MAP3K19: variants seen among roughly 807,000 people sequenced by gnomAD.
MAP3K19 encodes mitogen-activated protein kinase kinase kinase 19.
MAP3K19 carries 91 observed loss-of-function variants against 114.4 expected under a neutral mutation model. The observed-to-expected ratio is 0.80, with a 90% CI of 0.67 to 0.95. The LOEUF (loss-of-function observed/expected upper bound fraction) is 0.95, where lower values mean the gene tolerates loss of function less well. Among genes scored for constraint, MAP3K19 ranks in the 40% least tolerant of loss-of-function variants. The pLI, the probability that MAP3K19 is intolerant of heterozygous loss-of-function variation, is 0.00. For synonymous variants in MAP3K19, 518 were observed against 530.5 expected, an observed-to-expected ratio of 0.98 and a Z score of 0.32; for missense variants, 1,471 against 1,573.2, an observed-to-expected ratio of 0.94 and a Z score of 1.10.
chr2:135,024,523 T>G, intron 4 of MAP3K19, 103 bp downstream of exon 4: 4 of 1,081,542 alleles, frequency 3.7e-6, no homozygotes, highest in Non-Finnish European at 5.7e-6. Context: ...AGCCGTGGAC[T>G]TGATTTCTTT....
At chr2:135,032,546 T>C (rs1688408837) in intron 2 of MAP3K19, among the ~76,000 whole-genome samples, 1 of 151,512 alleles carries the variant, frequency 6.6e-6, no homozygotes, top group South Asian at 2.1e-4. Context: ...AAAAGAACCA[T>C]TTTCTGTCAA....
chr2:135,013,372 CT>C (rs2105342256), intron 5 of MAP3K19, among the ~76,000 whole-genome samples: 1 of 152,144 alleles, frequency 6.6e-6, no homozygotes, highest in Non-Finnish European at 1.5e-5. Context: ...CATATACCCC[CT>C]GCTCCCATAC....
chr2:135,007,406 G>A (rs547389185), intron 5 of MAP3K19, among the ~76,000 whole-genome samples: 1 of 152,040 alleles, frequency 6.6e-6, no homozygotes, highest in Non-Finnish European at 1.5e-5. Flanking sequence ...ATCACATCAA[G>A]CATTTATCCT....
intron 12 of MAP3K19, among the ~76,000 whole-genome samples, chr2:134,969,789 G>T (rs1278390772): frequency 6.6e-6 from 1 of 152,136 alleles, no homozygotes; most frequent in Admixed American, 6.5e-5. Flanking sequence ...TCAATTTTGA[G>T]TTGATTTTTG....
chr2:135,017,497 T>C (rs944914081), intron 5 of MAP3K19, among the ~76,000 whole-genome samples: 3 of 152,144 alleles, frequency 2.0e-5, no homozygotes, highest in Non-Finnish European at 4.4e-5. Context: ...CCAGCTCAAA[T>C]AATCCTCCAC....
intron 2 of MAP3K19, among the ~76,000 whole-genome samples, chr2:135,039,885 C>T (rs1024066413): frequency 1.5e-4 from 23 of 152,186 alleles, no homozygotes; most frequent in African/African-American, 4.3e-4. Flanking sequence ...TAACCCCTGG[C>T]TGGGTCAGGC....
intron 8 of MAP3K19, 101 bp from the exon 9 acceptor site, chr2:134,991,681 G>C: frequency 1.1e-6 from 1 of 939,790 alleles, no homozygotes; most frequent in South Asian, 1.4e-5. Context: ...TAAGGGGTCT[G>C]AGGAAAAGTT....
chr2:135,014,920 T>C (rs1687480620), intron 5 of MAP3K19, among the ~76,000 whole-genome samples: 1 of 152,248 alleles, frequency 6.6e-6, no homozygotes, highest in East Asian at 1.9e-4. Flanking sequence ...TATGTGAATA[T>C]ACCACAATTT....
chr2:134,979,866 A>G (rs1684507185), intron 12 of MAP3K19, among the ~76,000 whole-genome samples: 1 of 152,170 alleles, frequency 6.6e-6, no homozygotes, highest in Non-Finnish European at 1.5e-5. Context: ...AGAGAGGCAC[A>G]TTCATTGGCA....
chr2:135,026,094 T>C (rs1688248749), intron 3 of MAP3K19, among the ~76,000 whole-genome samples: 1 of 152,196 alleles, frequency 6.6e-6, no homozygotes, highest in African/African-American at 2.4e-5. Flanking sequence ...TCAAAAGAAA[T>C]AGCATAGGAC....
At chr2:135,007,984 T>C (rs1408370079) in intron 5 of MAP3K19, among the ~76,000 whole-genome samples, 9 of 152,350 alleles carry the variant, frequency 5.9e-5, no homozygotes, top group Middle Eastern at 6.8e-3. Context: ...TTTAAAAATA[T>C]AGTTGCATCA....
chr2:135,038,862 A>C (rs967269290), intron 2 of MAP3K19, among the ~76,000 whole-genome samples: 5 of 152,150 alleles, frequency 3.3e-5, no homozygotes, highest in African/African-American at 1.2e-4. Context: ...CATCTCAAAA[A>C]AAAAAAAGGT....
rs1483968964 is a variant in MAP3K19 at position 134,983,803 on chromosome 2, A to G, written c.3095T>C (p.Ile1032Thr). The G allele has an allele frequency of 6.3e-7, 1 of 1,595,276 alleles. No individual in the cohort carries two copies. The highest frequency in any genetic ancestry group is 8.5e-7 in the Non-Finnish European group (1 of 1,173,426). The change falls in exon 11 of 13, where the codon ATA becomes ACA. Residue 1032 changes from isoleucine (I) to threonine (T), a missense_variant. Coordinates refer to ENST00000392915, the MANE Select transcript of MAP3K19 (RefSeq NM_025052.5). ...KIQRHSSGLR[I>T]YDREEKFLIS... is the part of the protein sequence containing the mutation. Reference sequence around the variant, plus strand: ...GAGAAATTTCTCCTCCCTGTCATATATCCTGAGCCCACTACTATGCCTCTG... The same window carrying G: ...GAGAAATTTCTCCTCCCTGTCATATGTCCTGAGCCCACTACTATGCCTCTG...
chr2:134,995,040 G>A (rs1685878428), intron 8 of MAP3K19, among the ~76,000 whole-genome samples: 1 of 152,154 alleles, frequency 6.6e-6, no homozygotes. Context: ...AGCCAGGCAA[G>A]GTGGCTCAAG....
intron 5 of MAP3K19, among the ~76,000 whole-genome samples, chr2:135,015,117 A>G (rs1687495407): frequency 6.6e-6 from 1 of 152,238 alleles, no homozygotes; most frequent in Non-Finnish European, 1.5e-5. Flanking sequence ...AACAGACACC[A>G]AAAGACAGCT....
chr2:134,968,760 GGC>G (rs1236635781), intron 12 of MAP3K19, among the ~76,000 whole-genome samples: 1 of 151,828 alleles, frequency 6.6e-6, no homozygotes, highest in Admixed American at 6.6e-5. Flanking sequence ...TGGGCGGCCG[GGC>G]AGAGACGCTC....
At chr2:134,982,150 C>T (rs1386216073) in intron 11 of MAP3K19, among the ~76,000 whole-genome samples, 4 of 126,708 alleles carry the variant, frequency 3.2e-5, no homozygotes, top group Non-Finnish European at 6.3e-5. Context: ...CAGAGTCTCT[C>T]TCTGTCACCC....
chr2:134,983,362 G>A (rs1236441998), intron 11 of MAP3K19: 2 of 588,556 alleles, frequency 3.4e-6, no homozygotes, highest in Admixed American at 3.8e-5. Context: ...AAATGCAGTG[G>A]CCATTGAGTC....
chr2:135,030,212 T>C (rs767537643), intron 3 of MAP3K19, 100 bp downstream of exon 3: 1 of 152,374 alleles, frequency 6.6e-6, no homozygotes, highest in Non-Finnish European at 1.5e-5. Flanking sequence ...AGGATTATAT[T>C]TGAAAAGAAT....
Sources: gnomAD v4.1 joint callset for allele counts (sites outside exome capture counted in the v4.1 genomes callset) on GRCh38, gnomAD v4.1.1 for gene constraint, MANE v1.5 for transcripts, NCBI Gene and HGNC (gene_info 2026-07-23, HGNC 2026-07-21) for gene names.